The following DCAF1 variants were observed in gnomAD, a reference collection of about 807,000 sequenced individuals.
The protein encoded by DCAF1 is DDB1- and CUL4-associated factor 1.
In DCAF1, 15 loss-of-function variants were observed where a neutral mutation model predicts 128.0. That is an observed-to-expected ratio of 0.12 (90% CI 0.08 to 0.18). The LOEUF is 0.18. DCAF1 is among the 10% of genes least tolerant of loss of function. The pLI is 1.00. For synonymous variants in DCAF1, 610 were observed against 603.0 expected, an observed-to-expected ratio of 1.01 and a Z score of -0.17; for missense variants, 988 against 1,649.5, an observed-to-expected ratio of 0.60 and a Z score of 6.95.
At chr3:51,439,622 TTCATTAC>T (rs1363686841) in intron 9 of DCAF1, among the ~76,000 whole-genome samples, 1 of 151,972 alleles carries the variant, frequency 6.6e-6, no homozygotes, top group Admixed American at 6.6e-5. Context: ...TGTCTGCTAT[TTCATTAC>T]TCATTTTCTG....
chr3:51,465,868 G>A (rs1221752861), intron 5 of DCAF1, among the ~76,000 whole-genome samples: 2 of 152,022 alleles, frequency 1.3e-5, no homozygotes, highest in Admixed American at 6.6e-5. Flanking sequence ...TACAAAAAAG[G>A]TTTTAAATGC....
intron 23 of DCAF1, among the ~76,000 whole-genome samples, chr3:51,412,104 CA>C: frequency 8.7e-6 from 1 of 115,102 alleles, no homozygotes; most frequent in Non-Finnish European, 1.7e-5. Flanking sequence ...AGCAAAACTC[CA>C]TTCTAAAAAA....
intron 10 of DCAF1, among the ~76,000 whole-genome samples, chr3:51,432,895 A>G (rs1700515834): frequency 6.6e-6 from 1 of 152,230 alleles, no homozygotes; most frequent in Non-Finnish European, 1.5e-5. Flanking sequence ...ATTTTCCCAG[A>G]AGAGTCAGAA....
rs370076176 is a variant in DCAF1, at chr3:51,429,387, C to T, written c.1551G>A (p.Gly517=). Residue 517 remains glycine (G), a synonymous_variant, in exon 12 of 25, where the codon GGG becomes GGA. Transcript: ENST00000684031. ...TGCGCAAGGCCATGCAGGTATGTTT[C>T]CCAGTTTGGCGGCTAGCAAATATTT... is the stretch of plus-strand genomic sequence containing the variant. ...DDEIFASRQT[G]KHTCMALRKY... 6.4e-6 allele frequency: 5 copies of T among 780,760 alleles called. No individual in the cohort carries two copies. Among genetic ancestry groups the T allele is most frequent in the African/African-American group, 1.7e-5 (1 of 59,126 alleles). The allele number at this position is 780,760 out of a possible 1,614,324, so 48.4% of individuals were successfully genotyped here.
intron 6 of DCAF1, among the ~76,000 whole-genome samples, chr3:51,451,456 T>C (rs573904271): frequency 4.0e-4 from 61 of 151,706 alleles, no homozygotes; most frequent in Middle Eastern, 3.4e-3. Context: ...GTGTCTATTT[T>C]TTCGTATATA....
Position 51,481,725 on chromosome 3 carries a change from T to C in DCAF1, c.110+1994A>G, listed in dbSNP as rs145852671. Among the ~76,000 whole-genome samples the C allele has an allele frequency of 5.5e-3, 837 of 152,068 alleles. 4 individuals carry two copies. Among genetic ancestry groups the C allele is most frequent in the Middle Eastern group, 0.014 (4 of 294 alleles). On this transcript the variant is annotated intron_variant, in intron 3 of 24. Transcript: ENST00000684031. ...GGTAAAATATGCCGGGCACAGTGGC[T>C]CACGCCTGTAATCCCAGCACTTTGA...
intron 13 of DCAF1, among the ~76,000 whole-genome samples, chr3:51,424,058 G>T (rs797031859): frequency 6.6e-6 from 1 of 151,996 alleles, no homozygotes; most frequent in African/African-American, 2.4e-5. Flanking sequence ...AAAAATGTAA[G>T]ATATAAAATT....
In DCAF1 at chr3:51,420,298, G is replaced by T. The variant is rs782791554; in HGVS notation, c.2672C>A (p.Thr891Asn). Residue 891 changes from threonine (T) to asparagine (N), a missense_variant, in exon 15 of 25, where the codon ACT becomes AAT. Around this residue, in one of 11 missense-constraint regions of DCAF1, gnomAD observed 88 missense variants for 107.7 expected, o/e 0.82. Coordinates refer to ENST00000684031, the MANE Select transcript of DCAF1 (RefSeq NM_001387579.1). This position sits in a 1 kb window ranked among gnomAD's most constrained non-coding sequence, Gnocchi z 6.5. ...ASHSSAFTPV[T>N]AAASPVSLPR... ...TAGAGAGACAGGAGAAGCAGCAGCA[G>T]TGACTGGGGTAAAGGCAGAAGAATG... 2 of 1,614,036 alleles carry T rather than the reference G, an allele frequency of 1.2e-6. No individual in the cohort carries two copies. Among genetic ancestry groups the T allele is most frequent in the Non-Finnish European group, 1.7e-6 (2 of 1,179,906 alleles).
intron 6 of DCAF1, among the ~76,000 whole-genome samples, chr3:51,457,168 A>C (rs1324599473): frequency 1.3e-5 from 2 of 152,190 alleles, no homozygotes; most frequent in Non-Finnish European, 2.9e-5. Flanking sequence ...GCTTTGAAAA[A>C]AAATTAGACA....
intron 13 of DCAF1, among the ~76,000 whole-genome samples, chr3:51,426,587 G>A (rs1553634113): frequency 6.6e-6 from 1 of 152,064 alleles, no homozygotes; most frequent in Non-Finnish European, 1.5e-5. Flanking sequence ...AAAAACAAAA[G>A]CCTTTTAGAG....
chr3:51,488,592 C>A (rs1553656518), intron 2 of DCAF1, among the ~76,000 whole-genome samples: 1 of 152,176 alleles, frequency 6.6e-6, no homozygotes, highest in East Asian at 1.9e-4. Context: ...CACCTGAGGT[C>A]AGGGGTTCCA....
rs2089314960 is a variant in DCAF1, at chr3:51,397,878, T to C, written c.*891A>G. 6.0e-6 allele frequency: 1 copy of C among 166,902 alleles called. No individual in the cohort carries two copies. The highest frequency in any genetic ancestry group is 1.5e-5 in the Non-Finnish European group (1 of 68,126). The allele number at this position is 166,902 out of a possible 1,614,324, so 10.3% of individuals were successfully genotyped here. The stretch of plus-strand genomic sequence containing the variant: ...ACTTGTAGTTTATTTTGTATTTTTT[T>C]TAAATAAATACACTTTACATTAAAG... On this transcript the variant is annotated 3_prime_UTR_variant, in exon 25 of 25. Coordinates refer to ENST00000684031, the MANE Select transcript of DCAF1 (RefSeq NM_001387579.1).
At chr3:51,458,544 C>G (rs1703178971) in intron 6 of DCAF1, among the ~76,000 whole-genome samples, 1 of 152,184 alleles carries the variant, frequency 6.6e-6, no homozygotes, top group Admixed American at 6.6e-5. Context: ...GAATTGAACT[C>G]AGCTCTGCAT....
At chr3:51,496,619 ACC>A (rs1708262016) in intron 2 of DCAF1, among the ~76,000 whole-genome samples, 113 bp downstream of exon 2, 1 of 151,932 alleles carries the variant, frequency 6.6e-6, no homozygotes, top group African/African-American at 2.4e-5. Flanking sequence ...AATTTTCACA[ACC>A]ATCCTACCCT....
chr3:51,482,246 A>G (rs1234752192), intron 3 of DCAF1, among the ~76,000 whole-genome samples: 1 of 151,298 alleles, frequency 6.6e-6, no homozygotes, highest in African/African-American at 2.4e-5. Context: ...GATGTTCAAG[A>G]CCAGACTGGG....
At chr3:51,441,306 T>G in intron 8 of DCAF1, 79 bp downstream of exon 8, 1 of 1,470,388 alleles carries the variant, frequency 6.8e-7, no homozygotes, top group South Asian at 1.4e-5. Flanking sequence ...TATCTTTGTA[T>G]AAAATACTAC....
intron 3 of DCAF1, among the ~76,000 whole-genome samples, chr3:51,477,534 G>A (rs980044210): frequency 1.9e-4 from 29 of 151,846 alleles, no homozygotes; most frequent in African/African-American, 6.5e-4. Context: ...GGCTGAGGTG[G>A]GAGGATCACT....
intron 3 of DCAF1, among the ~76,000 whole-genome samples, chr3:51,472,375 ATT>A (rs1353267091): frequency 7.2e-5 from 11 of 151,894 alleles, no homozygotes; most frequent in Non-Finnish European, 1.2e-4. Context: ...CTGATCCAGA[ATT>A]TGTTTTTTTT....
At chr3:51,436,318 A>G (rs782669525) in intron 9 of DCAF1, 2 of 512,512 alleles carry the variant, frequency 3.9e-6, no homozygotes, top group Non-Finnish European at 7.8e-6. Flanking sequence ...AAGAGAACTA[A>G]CAAACACTGG....
Sources: gnomAD v4.1 joint callset for allele counts (sites outside exome capture counted in the v4.1 genomes callset) on GRCh38, gnomAD v4.1.1 for gene constraint, gnomAD v4.1.1 regional missense constraint, Gnocchi (gnomAD v3.1) non-coding constraint, MANE v1.5 for transcripts, NCBI Gene and HGNC (gene_info 2026-07-23, HGNC 2026-07-21) for gene names.